NWD2: variants seen among roughly 807,000 people sequenced by gnomAD.
NWD2 encodes NACHT and WD repeat domain-containing protein 2.
Under a neutral mutation model 132.7 loss-of-function variants are expected in NWD2, and 37 were observed. The ratio of observed to expected loss-of-function variants is 0.28; its 90% CI spans 0.21 to 0.37. The LOEUF (loss-of-function observed/expected upper bound fraction) is 0.37, where lower values mean the gene tolerates loss of function less well. Ranked by LOEUF, NWD2 falls within the 10% of genes least tolerant of loss-of-function variation. The pLI, the probability that NWD2 is intolerant of heterozygous loss-of-function variation, is 1.00. For synonymous variants in NWD2, 705 were observed against 803.0 expected, an observed-to-expected ratio of 0.88 and a Z score of 2.06; for missense variants, 1,592 against 2,122.4, an observed-to-expected ratio of 0.75 and a Z score of 4.91.
chr4:37,307,481 C>T (rs1039327198), intron 1 of NWD2, among the ~76,000 whole-genome samples: 1 of 152,098 alleles, frequency 6.6e-6, no homozygotes, highest in Non-Finnish European at 1.5e-5. Context: ...AAGGTTTTTG[C>T]TGAGAAATAT....
At chr4:37,344,288 G>A (rs1719587460) in intron 2 of NWD2, among the ~76,000 whole-genome samples, 1 of 152,112 alleles carries the variant, frequency 6.6e-6, no homozygotes, top group Admixed American at 6.6e-5. Flanking sequence ...TGTATTGCGT[G>A]AGTTGGCTGT....
intron 1 of NWD2, among the ~76,000 whole-genome samples, chr4:37,276,651 A>C (rs1258146292): frequency 6.6e-6 from 1 of 152,056 alleles, no homozygotes; most frequent in Non-Finnish European, 1.5e-5. Flanking sequence ...TAACCAGAGG[A>C]TTATAAATCA....
chr4:37,359,347 C>A (rs1366694867), intron 3 of NWD2, among the ~76,000 whole-genome samples: 3 of 152,060 alleles, frequency 2.0e-5, no homozygotes, highest in Non-Finnish European at 4.4e-5. Flanking sequence ...CCCCAGCGAT[C>A]CTAAATCACA....
intron 3 of NWD2, among the ~76,000 whole-genome samples, chr4:37,415,072 A>G (rs1577696108): frequency 6.6e-6 from 1 of 152,240 alleles, no homozygotes; most frequent in African/African-American, 2.4e-5. Context: ...ATGAAATGAA[A>G]GTATAAAAGG....
intron 3 of NWD2, among the ~76,000 whole-genome samples, chr4:37,430,083 G>T (rs73228711): frequency 0.18 from 27,085 of 152,144 alleles, 2,821 homozygotes; most frequent in Non-Finnish European, 0.23. Context: ...TCAGTTGCCA[G>T]TGGGGTTACT....
intron 2 of NWD2, among the ~76,000 whole-genome samples, chr4:37,347,009 G>A (rs927964366): frequency 5.3e-5 from 8 of 151,930 alleles, no homozygotes; most frequent in African/African-American, 1.9e-4. Flanking sequence ...ATAAATTTTA[G>A]TATATTGTAC....
intron 3 of NWD2, among the ~76,000 whole-genome samples, chr4:37,371,022 T>C (rs1220632288): frequency 6.6e-6 from 1 of 151,388 alleles, no homozygotes; most frequent in Non-Finnish European, 1.5e-5. Flanking sequence ...AACCAGGAGG[T>C]TAAACTTACA....
At chr4:37,248,087 T>C (rs1717281814) in intron 1 of NWD2, among the ~76,000 whole-genome samples, 1 of 152,190 alleles carries the variant, frequency 6.6e-6, no homozygotes, top group African/African-American at 2.4e-5. Flanking sequence ...AGAATTCATA[T>C]AGCAGAGTGA....
At chr4:37,415,711 A>AT (rs1711577402) in intron 3 of NWD2, among the ~76,000 whole-genome samples, 1 of 151,598 alleles carries the variant, frequency 6.6e-6, no homozygotes, top group African/African-American at 2.4e-5. Context: ...CTAAAAAAAA[A>AT]AAAAAAAAAT....
At position 37,336,875 on chromosome 4, in the gene NWD2, G is replaced by A. The variant is rs142684019; in HGVS notation, c.240+10851G>A. On this transcript the variant is annotated intron_variant, in intron 2 of 6. Transcript: ENST00000309447. ...AATCGCTTGAAACTGGAAGGCGGAG[G>A]TTGCAGTGGGCCGAGATCAAGATCG... Among the ~76,000 whole-genome samples the A allele has an allele frequency of 7.1e-3, 1,036 of 146,492 alleles. 8 individuals are homozygous for A. Among genetic ancestry groups the A allele is most frequent in the African/African-American group, 0.024 (982 of 40,196 alleles).
intron 5 of NWD2, among the ~76,000 whole-genome samples, chr4:37,437,488 A>T (rs1712351794): frequency 6.6e-6 from 1 of 152,138 alleles, no homozygotes; most frequent in Non-Finnish European, 1.5e-5. Flanking sequence ...AGACACAAAC[A>T]TTCAGTTTAT....
intron 3 of NWD2, among the ~76,000 whole-genome samples, chr4:37,416,409 T>G (rs1042759197): frequency 6.6e-6 from 1 of 152,164 alleles, no homozygotes; most frequent in Admixed American, 6.5e-5. Context: ...GCCCTTAATA[T>G]TTGCTGGCTT....
intron 3 of NWD2, among the ~76,000 whole-genome samples, chr4:37,395,056 A>C: frequency 6.7e-6 from 1 of 149,276 alleles, no homozygotes; most frequent in Non-Finnish European, 1.5e-5. Context: ...CAAGTGATCC[A>C]CCCGCCCCCC....
chr4:37,422,940 A>G (rs180755855), intron 3 of NWD2, among the ~76,000 whole-genome samples: 1 of 152,166 alleles, frequency 6.6e-6, no homozygotes, highest in African/African-American at 2.4e-5. Context: ...CATATTCGTA[A>G]TATGTGAAAC....
intron 3 of NWD2, among the ~76,000 whole-genome samples, chr4:37,418,570 T>C (rs1711694745): frequency 6.6e-6 from 1 of 151,928 alleles, no homozygotes; most frequent in Non-Finnish European, 1.5e-5. Flanking sequence ...TCATAAACTA[T>C]GTTGATGGTA....
chr4:37,306,175 A>G (rs1718704686), intron 1 of NWD2, among the ~76,000 whole-genome samples: 1 of 152,124 alleles, frequency 6.6e-6, no homozygotes, highest in South Asian at 2.1e-4. Context: ...TGTCTGTGGT[A>G]TCAGTTGTAA....
chr4:37,350,463 C>A (rs897895618), intron 2 of NWD2, among the ~76,000 whole-genome samples: 1 of 152,160 alleles, frequency 6.6e-6, no homozygotes, highest in African/African-American at 2.4e-5. Context: ...TGGGAATTCA[C>A]TCATGATTTG....
At chr4:37,278,635 A>AT (rs1718070710) in intron 1 of NWD2, among the ~76,000 whole-genome samples, 1 of 152,196 alleles carries the variant, frequency 6.6e-6, no homozygotes, top group South Asian at 2.1e-4. Flanking sequence ...GCATTGCTGC[A>AT]TTTGTGAGGG....
intron 1 of NWD2, among the ~76,000 whole-genome samples, chr4:37,324,587 C>T (rs771231210): frequency 2.6e-5 from 4 of 152,092 alleles, no homozygotes; most frequent in African/African-American, 7.2e-5. Context: ...GCCATAACAC[C>T]GCATGGGCCC....
Sources: gnomAD v4.1 joint callset for allele counts (sites outside exome capture counted in the v4.1 genomes callset) on GRCh38, gnomAD v4.1.1 for gene constraint, MANE v1.5 for transcripts, NCBI Gene and HGNC (gene_info 2026-07-23, HGNC 2026-07-21) for gene names.